Variants in PPM1F observed in about 807,000 individuals in gnomAD.
The protein encoded by PPM1F is protein phosphatase, Mg2+/Mn2+ dependent 1F.
A neutral mutation model predicts 35.5 loss-of-function variants in PPM1F; 17 were observed. That is an observed-to-expected ratio of 0.48 (90% CI 0.33 to 0.72). The LOEUF (loss-of-function observed/expected upper bound fraction) is 0.72, where lower values mean the gene tolerates loss of function less well. Among genes scored for constraint, PPM1F ranks in the 30% least tolerant of loss-of-function variants. The pLI is 0.02. For synonymous variants in PPM1F, 241 were observed against 255.5 expected (o/e 0.94, Z 0.54); for missense variants, 521 against 613.0 (o/e 0.85, Z 1.59).
Position 21,945,843 on chromosome 22 carries a change from C to G in PPM1F, c.206G>C (p.Arg69Thr), listed in dbSNP as rs752717352. Residue 69 changes from arginine to threonine, a missense_variant and splice_region_variant, in exon 2 of 8, where the codon AGG (arginine) becomes ACG (threonine). By Grantham distance (71) the Arg-to-Thr change is moderately conservative. Coordinates refer to ENST00000263212, the MANE Select transcript of PPM1F (RefSeq NM_014634.4). ...AELAMGFLGS[R>T]KAPPPLAAAL... ...CCCCTTTGGGGGTGCACAGGCCTACCTGCTGCCCAGAAAGCCCATGGCCAG... is the reference window on the plus strand; with the variant it reads ...CCCCTTTGGGGGTGCACAGGCCTACGTGCTGCCCAGAAAGCCCATGGCCAG... 1 of 1,608,468 alleles carries G rather than the reference C, an allele frequency of 6.2e-7. No individual in the cohort carries two copies. Among genetic ancestry groups the G allele is most frequent in the Non-Finnish European group, 8.5e-7 (1 of 1,179,834 alleles).
chr22:21,933,320 T>G (rs1164355344), intron 5 of PPM1F, 71 bp downstream of exon 5: 1 of 1,436,134 alleles, frequency 7.0e-7, no homozygotes, highest in African/African-American at 1.4e-5. Context: ...CTTTGGCGTT[T>G]TTCCCGCTGC....
chr22:21,946,460 C>T (rs1429801684), intron 1 of PPM1F: 2 of 160,148 alleles, frequency 1.2e-5, no homozygotes, highest in Middle Eastern at 3.0e-3. Flanking sequence ...AACCTGATCA[C>T]GGGTCCCGAG....
rs2070446447 is a variant in PPM1F at position 21,921,396 on chromosome 22, C to G, written c.*1696G>C. On this transcript the variant is annotated 3_prime_UTR_variant, in exon 8 of 8. Transcript: ENST00000263212. ...AGCCCTGCCCACCTCCAGCTCAGCC[C>G]TTCCTGTGGCTTGGCCCTGCAGATG... 6.5e-6 allele frequency: 1 copy of G among 153,596 alleles called. No homozygotes were observed. Among genetic ancestry groups the G allele is most frequent in the African/African-American group, 2.4e-5 (1 of 41,480 alleles). The allele number at this position is 153,596 out of a possible 1,614,324, so 9.5% of individuals were successfully genotyped here.
At chr22:21,946,259 G>A (rs983872552) in intron 1 of PPM1F, 151 bp from the exon 2 acceptor site, 3 of 425,934 alleles carry the variant, frequency 7.0e-6, no homozygotes, top group Non-Finnish European at 1.2e-5. Flanking sequence ...GTTTTGACAT[G>A]AGTCCAGGTG....
chr22:21,938,373 C>T, intron 3 of PPM1F: 1 of 1,175,230 alleles, frequency 8.5e-7, no homozygotes, highest in Non-Finnish European at 1.1e-6. Flanking sequence ...TCACTGTGGA[C>T]AGCTGTCTCC....
At chr22:21,943,297 CGT>C (rs2070744438) in intron 2 of PPM1F, 2 of 152,172 alleles carry the variant, frequency 1.3e-5, no homozygotes, top group African/African-American at 2.4e-5. Context: ...GTGTAGACAA[CGT>C]GTGAGGCTCA....
At chr22:21,952,577 G>T (rs2070851974) in intron 1 of PPM1F, 1 of 138,550 alleles carries the variant, frequency 7.2e-6, no homozygotes, top group Non-Finnish European at 1.5e-5. Context: ...CATGTCCGCA[G>T]CGGCCCCTCT....
At chr22:21,924,268 C>CTTTTTT (rs34519625) in intron 7 of PPM1F, among the ~76,000 whole-genome samples, 1 of 137,224 alleles carries the variant, frequency 7.3e-6, no homozygotes. Context: ...GCTGGACCCA[C>CTTTTTT]TTTTTTTTTT....
chr22:21,950,537 G>A (rs746028135), intron 1 of PPM1F: 2 of 151,896 alleles, frequency 1.3e-5, no homozygotes, highest in African/African-American at 2.4e-5. Context: ...CAGAACCAAG[G>A]TAATGAAAAA....
intron 3 of PPM1F, chr22:21,938,922 C>T (rs1006847140): frequency 6.5e-6 from 1 of 154,650 alleles, no homozygotes; most frequent in Non-Finnish European, 1.4e-5. Context: ...GTTCCCCTGG[C>T]CACACCATGC....
Position 21,923,490 on chromosome 22 carries a change from G to GC in PPM1F, c.986-20dup. 1 of 1,581,616 alleles carries GC rather than the reference G, an allele frequency of 6.3e-7. No individual in the cohort carries two copies. The highest frequency in any genetic ancestry group is 8.6e-7 in the Non-Finnish European group (1 of 1,159,350). On this transcript the variant is annotated intron_variant, in intron 7 of 7. Transcript: ENST00000263212. ...ACATCCCCTGGACAGGCGGAGAAGA[G>GC]CCCGGGTCAGAGGACCACGGTGTCC... is the stretch of plus-strand genomic sequence containing the variant.
rs770401420 is a variant in PPM1F, at chr22:21,923,270, G to A, written c.1187C>T (p.Ala396Val). Residue 396 changes from alanine to valine, a missense_variant, in exon 8 of 8, where the codon GCG becomes GTG. Coordinates refer to ENST00000263212, the MANE Select transcript of PPM1F (RefSeq NM_014634.4). The stretch of plus-strand genomic sequence containing the variant: ...GTCGTGGGAGCCCCGCTCCCGGGCC[G>A]CAGCCACCAGCTCCTCGGCGACACG... ...GLRVAEELVA[A>V]ARERGSHDNI... 8.1e-6 allele frequency: 13 copies of A among 1,613,384 alleles called. No individual in the cohort carries two copies. Among genetic ancestry groups the A allele is most frequent in the East Asian group, 4.5e-5 (2 of 44,882 alleles).
chr22:21,934,002 G>T, intron 4 of PPM1F, 22 bp downstream of exon 4: 1 of 1,527,842 alleles, frequency 6.5e-7, no homozygotes. Flanking sequence ...GCTGTCCCCA[G>T]GGTCTGGACG....
At chr22:21,931,036 A>G in intron 6 of PPM1F, 112 bp downstream of exon 6, 2 of 1,505,314 alleles carry the variant, frequency 1.3e-6, no homozygotes, top group Non-Finnish European at 1.8e-6. Context: ...CCCTCTTGAA[A>G]GGTGCCAGGA....
intron 7 of PPM1F, 110 bp from the exon 8 acceptor site, chr22:21,923,581 C>T: frequency 3.3e-6 from 4 of 1,223,928 alleles, no homozygotes; most frequent in Non-Finnish European, 4.5e-6. Context: ...CCAACCTGCT[C>T]TCATGGGGTC....
rs777608532 is a variant in PPM1F at position 21,923,249 on chromosome 22, T to G, written c.1208A>C (p.His403Pro). ...GACCACCATGACCGTGATGTTGTCG[T>G]GGGAGCCCCGCTCCCGGGCCGCAGC... ...LVAAARERGS[H>P]DNITVMVVFL... Residue 403 changes from histidine (H) to proline (P), a missense_variant, in exon 8 of 8, where the codon CAC (histidine) becomes CCC (proline). Transcript: ENST00000263212. 1 of 1,613,398 alleles carries G rather than the reference T, an allele frequency of 6.2e-7. No homozygotes were observed. The highest frequency in any genetic ancestry group is 8.5e-7 in the Non-Finnish European group (1 of 1,179,938).
chr22:21,934,186 G>A lies in PPM1F; in HGVS notation c.396C>T (p.Arg132=). The change falls in exon 4 of 8, where the codon CGC becomes CGT. Residue 132 remains arginine, a synonymous_variant. Coordinates refer to ENST00000263212, the MANE Select transcript of PPM1F (RefSeq NM_014634.4). ...GCCACTGGCCGGCGACTTCCCAAAGGCGGTTAAAGAAACTCTGTGCCAGGC... is the reference window on the plus strand; with the variant it reads ...GCCACTGGCCGGCGACTTCCCAAAGACGGTTAAAGAAACTCTGTGCCAGGC... The part of the protein sequence containing the change: ...AQSLAQSFFN[R]LWEVAGQWQK... 6.3e-7 allele frequency: 1 copy of A among 1,579,238 alleles called. No individual in the cohort carries two copies. Among genetic ancestry groups the A allele is most frequent in the Middle Eastern group, 1.7e-4 (1 of 6,018 alleles).
At chr22:21,942,946 T>C (rs1229060244) in intron 2 of PPM1F, 1 of 152,302 alleles carries the variant, frequency 6.6e-6, no homozygotes, top group East Asian at 1.9e-4. Context: ...CAGGGGCTGT[T>C]ACAAGAGGCT....
chr22:21,945,511 A>T, intron 2 of PPM1F: 1 of 313,802 alleles, frequency 3.2e-6, no homozygotes, highest in Non-Finnish European at 6.0e-6. Context: ...GAATGAGTCT[A>T]CAAGCCAAGG....
Sources: gnomAD v4.1 joint callset for allele counts (sites outside exome capture counted in the v4.1 genomes callset) on GRCh38, gnomAD v4.1.1 for gene constraint, MANE v1.5 for transcripts, NCBI Gene and HGNC (gene_info 2026-07-23, HGNC 2026-07-21) for gene names.